Variants in CDH12 observed in about 807,000 individuals in gnomAD.
CDH12 encodes the protein cadherin-12.
Under a neutral mutation model 74.1 loss-of-function variants are expected in CDH12, and 41 were observed. That is an observed-to-expected ratio of 0.55 (90% CI 0.43 to 0.72). The LOEUF is 0.72. CDH12 is among the 30% of genes least tolerant of loss of function. The pLI, the probability that CDH12 is intolerant of heterozygous loss-of-function variation, is 0.00. For synonymous variants in CDH12, 399 were observed against 355.0 expected, an observed-to-expected ratio of 1.12 and a Z score of -1.39; for missense variants, 945 against 977.2, an observed-to-expected ratio of 0.97 and a Z score of 0.44.
At chr5:22,616,473 T>A (rs1252485561) in intron 1 of CDH12, among the ~76,000 whole-genome samples, 2 of 152,108 alleles carry the variant, frequency 1.3e-5, no homozygotes, top group Admixed American at 6.6e-5. Context: ...ATTTATGAAG[T>A]ATATCCAGCA....
At chr5:22,459,705 T>G (rs1276265979) in intron 2 of CDH12, among the ~76,000 whole-genome samples, 1 of 152,180 alleles carries the variant, frequency 6.6e-6, no homozygotes, top group African/African-American at 2.4e-5. Context: ...CTGGGTGCAG[T>G]GGCTCACGCT....
At chr5:22,809,629 T>G (rs1749028652) in intron 1 of CDH12, among the ~76,000 whole-genome samples, 1 of 151,958 alleles carries the variant, frequency 6.6e-6, no homozygotes, top group Non-Finnish European at 1.5e-5. Flanking sequence ...GACCAAATTT[T>G]AGAAGCTATA....
chr5:22,097,006 C>T (rs567993808), intron 4 of CDH12, among the ~76,000 whole-genome samples: 4 of 152,256 alleles, frequency 2.6e-5, no homozygotes, highest in African/African-American at 9.6e-5. Context: ...AATTCCTTGC[C>T]TCCACTGTGA....
chr5:22,234,612 C>T (rs1752497686), intron 3 of CDH12, among the ~76,000 whole-genome samples: 3 of 127,022 alleles, frequency 2.4e-5, no homozygotes, highest in Admixed American at 1.8e-4. Context: ...CATGAAAATG[C>T]ACTAATACAC....
At chr5:22,646,319 C>A (rs1249509526) in intron 1 of CDH12, among the ~76,000 whole-genome samples, 1 of 151,748 alleles carries the variant, frequency 6.6e-6, no homozygotes, top group Non-Finnish European at 1.5e-5. Flanking sequence ...ATTAATCAAT[C>A]AATCATGCTG....
chr5:21,882,726 C>T lies in CDH12; in HGVS notation c.527-27936G>A, dbSNP rs528337971. On this transcript the variant is annotated intron_variant, in intron 6 of 14. Coordinates refer to ENST00000382254, the MANE Select transcript of CDH12 (RefSeq NM_004061.5). ...TTAATGCTTCAAGGTGTAGGTAGAC[C>T]TTTTAGCCGATGCTGTGGCCGTTAC... 1.6e-3 allele frequency: 2,562 copies of T among 1,557,310 alleles called. 24 individuals are homozygous for T. In the African/African-American group the frequency reaches 0.031, roughly 19 times the overall value.
At chr5:22,289,573 C>T (rs1479590226) in intron 3 of CDH12, among the ~76,000 whole-genome samples, 1 of 152,136 alleles carries the variant, frequency 6.6e-6, no homozygotes, top group African/African-American at 2.4e-5. Flanking sequence ...GAACAACTAT[C>T]TACAAAAAAG....
chr5:21,881,561 G>A (rs994088831), intron 6 of CDH12, among the ~76,000 whole-genome samples: 2 of 151,994 alleles, frequency 1.3e-5, no homozygotes, highest in Non-Finnish European at 2.9e-5. Context: ...TATTTTGTTT[G>A]TTTGGACATT....
intron 5 of CDH12, among the ~76,000 whole-genome samples, chr5:22,045,614 A>AAC (rs1298714029): frequency 1.3e-5 from 2 of 152,034 alleles, no homozygotes; most frequent in African/African-American, 2.4e-5. Flanking sequence ...AAAAAAAAAA[A>AAC]AAACAATAAA....
intron 1 of CDH12, among the ~76,000 whole-genome samples, chr5:22,530,755 C>T (rs978376290): frequency 2.0e-5 from 3 of 151,902 alleles, no homozygotes; most frequent in African/African-American, 7.3e-5. Context: ...TAAATAACAC[C>T]ACTCAAACTT....
chr5:22,607,365 A>G (rs1737170336), intron 1 of CDH12, among the ~76,000 whole-genome samples: 1 of 152,200 alleles, frequency 6.6e-6, no homozygotes. Flanking sequence ...AACACTGGGA[A>G]GAAAAAGAGT....
intron 1 of CDH12, among the ~76,000 whole-genome samples, chr5:22,689,444 T>C (rs577185936): frequency 6.6e-6 from 1 of 152,156 alleles, no homozygotes; most frequent in Non-Finnish European, 1.5e-5. Context: ...GGTACATCTT[T>C]GAAGACTTTT....
At chr5:21,873,018 T>C (rs1238160903) in intron 6 of CDH12, among the ~76,000 whole-genome samples, 5 of 152,138 alleles carry the variant, frequency 3.3e-5, no homozygotes, top group African/African-American at 9.7e-5. Context: ...ATATATAGTA[T>C]ATACGTGTGT....
At chr5:21,859,037 A>C (rs887514548) in intron 6 of CDH12, among the ~76,000 whole-genome samples, 1 of 151,924 alleles carries the variant, frequency 6.6e-6, no homozygotes, top group African/African-American at 2.4e-5. Flanking sequence ...TATTCCTATT[A>C]GCTGGAGTCA....
intron 4 of CDH12, among the ~76,000 whole-genome samples, chr5:22,092,335 T>C (rs936656210): frequency 2.0e-5 from 3 of 151,994 alleles, no homozygotes; most frequent in African/African-American, 7.2e-5. Context: ...AGATAACCCA[T>C]AGAATGCAAA....
chr5:22,758,966 C>G (rs1283325394), intron 1 of CDH12, among the ~76,000 whole-genome samples: 1 of 152,142 alleles, frequency 6.6e-6, no homozygotes, highest in Non-Finnish European at 1.5e-5. Context: ...ATCCCTATGA[C>G]TTGCTCAAAG....
intron 1 of CDH12, among the ~76,000 whole-genome samples, chr5:22,584,081 A>AATTTATTTATTT (rs3047309): frequency 0.077 from 11,373 of 147,424 alleles, 643 homozygotes; most frequent in East Asian, 0.19. Context: ...TTGTTTGCGG[A>AATTTATTTATTT]ATTTATTTAT....
chr5:21,937,825 G>A (rs1276102721), intron 6 of CDH12, among the ~76,000 whole-genome samples: 1 of 152,150 alleles, frequency 6.6e-6, no homozygotes, highest in Non-Finnish European at 1.5e-5. Flanking sequence ...TGCCTCCCCT[G>A]GAGGCCTCTC....
intron 11 of CDH12, among the ~76,000 whole-genome samples, chr5:21,774,211 G>C (rs190168017): frequency 6.6e-6 from 1 of 152,138 alleles, no homozygotes; most frequent in Non-Finnish European, 1.5e-5. Flanking sequence ...AGCTGCCAGC[G>C]TGGCTAGGAC....
Sources: allele counts gnomAD v4.1 joint callset (sites outside exome capture counted in the v4.1 genomes callset), GRCh38; gene constraint gnomAD v4.1.1; transcripts MANE v1.5; gene names NCBI Gene and HGNC (gene_info 2026-07-23, HGNC 2026-07-21).